The following HERC2 variants were observed in gnomAD, a reference collection of about 807,000 sequenced individuals.
The protein encoded by HERC2 is HECT and RLD domain containing E3 ubiquitin protein ligase 2.
Under a neutral mutation model 537.7 loss-of-function variants are expected in HERC2, and 102 were observed. The ratio of observed to expected loss-of-function variants is 0.19; its 90% CI spans 0.16 to 0.22. HERC2 has a LOEUF of 0.22. Among genes scored for constraint, HERC2 ranks in the 10% least tolerant of loss-of-function variants. The pLI is 1.00. For missense variants in HERC2, 4,236 were observed against 6,198.2 expected, an observed-to-expected ratio of 0.68 and a Z score of 10.63; for synonymous variants, 2,224 against 2,466.2, an observed-to-expected ratio of 0.90 and a Z score of 2.91.
intron 70 of HERC2, among the ~76,000 whole-genome samples, chr15:28,149,963 G>A (rs1298771271): frequency 6.7e-6 from 1 of 149,310 alleles, no homozygotes; most frequent in Non-Finnish European, 1.5e-5. Flanking sequence ...AAACACACAC[G>A]GCTCCTAACC....
In HERC2 at chr15:28,174,646, T is replaced by C. The variant is rs778704794; in HGVS notation, c.9832-26A>G. Reference sequence around the variant, plus strand: ...CTGTTTACGAGGAGAAAAAAGCTTATAATTTTTCAACATTTCAGGACATTT... The same window carrying C: ...CTGTTTACGAGGAGAAAAAAGCTTACAATTTTTCAACATTTCAGGACATTT... On this transcript the variant is annotated intron_variant, in intron 64 of 92. Transcript: ENST00000261609. 14 of 1,444,696 alleles carry C rather than the reference T, an allele frequency of 9.7e-6. No individual in the cohort carries two copies. In the Admixed American group the frequency reaches 1.3e-4, roughly 13 times the overall value. The allele number at this position is 1,444,696 out of a possible 1,614,324, so 89.5% of individuals were successfully genotyped here. A position where few individuals can be genotyped will look rare whatever the true frequency, so the allele number is the denominator to read the frequency against.
chr15:28,269,086 G>GA (rs2140975917), intron 11 of HERC2, among the ~76,000 whole-genome samples, 162 bp downstream of exon 11: 1 of 152,270 alleles, frequency 6.6e-6, no homozygotes, highest in Admixed American at 6.5e-5. Context: ...CCCAAATCTT[G>GA]ACAATATTAC....
In HERC2 at chr15:28,111,621, G is replaced by T; in HGVS notation, c.*142C>A. On this transcript the variant is annotated 3_prime_UTR_variant, in exon 93 of 93. Transcript: ENST00000261609. ...CTCACTGTCATTCCCATCACGGCCAGTCAGTCTCTCCACTCCCTCCTCCCG... is the reference window on the plus strand; with the variant it reads ...CTCACTGTCATTCCCATCACGGCCATTCAGTCTCTCCACTCCCTCCTCCCG... The T allele has an allele frequency of 1.2e-6, 1 of 821,104 alleles. No individual in the cohort carries two copies. Among genetic ancestry groups the T allele is most frequent in the Non-Finnish European group, 1.9e-6 (1 of 526,862 alleles). The allele number at this position is 821,104 out of a possible 1,614,324, so 50.9% of individuals were successfully genotyped here.
intron 23 of HERC2, among the ~76,000 whole-genome samples, chr15:28,243,765 TCA>T (rs1484898810): frequency 6.6e-6 from 1 of 152,188 alleles, no homozygotes; most frequent in South Asian, 2.1e-4. Flanking sequence ...CTGAGAATTC[TCA>T]CTTTGCAGTG....
chr15:28,280,550 G>A (rs1482303597), intron 4 of HERC2, among the ~76,000 whole-genome samples: 6 of 152,008 alleles, frequency 3.9e-5, no homozygotes, highest in Admixed American at 6.6e-5. Context: ...AGAGGAGTGC[G>A]GCACATGACA....
chr15:28,244,482 C>T (rs1903463854), intron 23 of HERC2, among the ~76,000 whole-genome samples: 1 of 151,988 alleles, frequency 6.6e-6, no homozygotes. Context: ...GAAATGAGTC[C>T]GAGTTTGGGA....
intron 3 of HERC2, among the ~76,000 whole-genome samples, chr15:28,293,492 CAAAA>C (rs34632582): frequency 4.5e-5 from 4 of 88,328 alleles, no homozygotes; most frequent in Non-Finnish European, 5.0e-5. Flanking sequence ...GACTCTGTCT[CAAAA>C]AAAAAAAAAA....
chr15:28,259,086 T>A (rs2075346188), intron 16 of HERC2, among the ~76,000 whole-genome samples: 1 of 152,012 alleles, frequency 6.6e-6, no homozygotes, highest in Non-Finnish European at 1.5e-5. Context: ...TTGCAAAATC[T>A]TTTTTTTGTT....
At chr15:28,186,824 A>C (rs1596161203) in intron 55 of HERC2, 72 bp from the exon 56 acceptor site, 1 of 1,114,888 alleles carries the variant, frequency 9.0e-7, no homozygotes, top group Non-Finnish European at 1.3e-6. Context: ...GGAGAACGGG[A>C]TGTGTGAGAC....
intron 45 of HERC2, among the ~76,000 whole-genome samples, chr15:28,205,160 C>G (rs987129116): frequency 1.3e-5 from 2 of 152,062 alleles, no homozygotes; most frequent in African/African-American, 4.8e-5. Flanking sequence ...AACAACAACT[C>G]TCCATCAGAA....
intron 7 of HERC2, chr15:28,273,298 TAGA>T (rs796548083): frequency 1.4e-4 from 62 of 449,756 alleles, no homozygotes; most frequent in African/African-American, 1.1e-3. Flanking sequence ...AAAACATAAG[TAGA>T]AGAATATCTA....
At chr15:28,259,280 G>C (rs2075353690) in intron 16 of HERC2, among the ~76,000 whole-genome samples, 3 of 151,776 alleles carry the variant, frequency 2.0e-5, no homozygotes, top group Admixed American at 1.3e-4. Flanking sequence ...ATTTTTAGTA[G>C]AAACAGGTTT....
intron 9 of HERC2, 91 bp downstream of exon 9, chr15:28,272,124 A>C (rs2075746909): frequency 1.1e-5 from 13 of 1,200,032 alleles, no homozygotes; most frequent in Non-Finnish European, 1.5e-5. Flanking sequence ...CGCCAGAGAA[A>C]AACACTGCCG....
At chr15:28,231,919 G>A (rs1367118689) in intron 30 of HERC2, among the ~76,000 whole-genome samples, 1 of 152,038 alleles carries the variant, frequency 6.6e-6, no homozygotes, top group Non-Finnish European at 1.5e-5. Context: ...GTGACAGTGT[G>A]GGCTCAGAAC....
chr15:28,269,444 A>G lies in HERC2; in HGVS notation c.1258-8T>C, dbSNP rs756870275. The G allele has an allele frequency of 6.3e-7, 1 of 1,595,576 alleles. No homozygotes were observed. The highest frequency in any genetic ancestry group is 1.3e-5 in the African/African-American group (1 of 74,704). On this transcript the variant is annotated splice_polypyrimidine_tract_variant and splice_region_variant and intron_variant, in intron 10 of 92. Coordinates refer to ENST00000261609, the MANE Select transcript of HERC2 (RefSeq NM_004667.6). ...GACCTCTTGCAATGATCCCTGTAAG[A>G]TAAGAAAGTAAACATTTCCTTTAAC...
At chr15:28,273,927 C>T (rs1342625152) in intron 7 of HERC2, among the ~76,000 whole-genome samples, 1 of 152,196 alleles carries the variant, frequency 6.6e-6, no homozygotes, top group Non-Finnish European at 1.5e-5. Context: ...TTTACTCCCA[C>T]ATTATCTATA....
Position 28,209,135 on chromosome 15 carries a change from A to T in HERC2, c.7069+1867T>A, listed in dbSNP as rs570718941. Among the ~76,000 whole-genome samples the T allele has an allele frequency of 1.1e-4, 17 of 152,320 alleles. No individual in the cohort carries two copies. In the South Asian group the frequency reaches 3.5e-3, roughly 32 times the overall value. ...AACTATGGCATATCTATAAACGGAT[A>T]TACATAGCAATGTGCTTTTCTGTTT... On this transcript the variant is annotated intron_variant, in intron 44 of 92. Coordinates refer to ENST00000261609, the MANE Select transcript of HERC2 (RefSeq NM_004667.6).
At chr15:28,289,555 G>T (rs574677379) in intron 4 of HERC2, among the ~76,000 whole-genome samples, 9 of 152,268 alleles carry the variant, frequency 5.9e-5, no homozygotes, top group African/African-American at 2.2e-4. Context: ...ATACTCCTGG[G>T]AAATAAAGCC....
At position 28,121,326 on chromosome 15, in the gene HERC2, G is replaced by A; in HGVS notation, c.13272+20C>T. On this transcript the variant is annotated intron_variant, in intron 86 of 92. Coordinates refer to ENST00000261609, the MANE Select transcript of HERC2 (RefSeq NM_004667.6). ...CACTTCTAAGGCTGTCAGACTTGGA[G>A]AGTAATCTCCATGTGCTACCTGGAT... The A allele has an allele frequency of 6.2e-7, 1 of 1,608,036 alleles. No individual in the cohort carries two copies.
Sources: allele counts gnomAD v4.1 joint callset (sites outside exome capture counted in the v4.1 genomes callset), GRCh38; gene constraint gnomAD v4.1.1; transcripts MANE v1.5; gene names NCBI Gene and HGNC (gene_info 2026-07-23, HGNC 2026-07-21).